The following SRSF7 variants were observed in gnomAD, a reference collection of about 807,000 sequenced individuals.
SRSF7 encodes serine/arginine-rich splicing factor 7.
Under a neutral mutation model 42.2 loss-of-function variants are expected in SRSF7, and 15 were observed. That is an observed-to-expected ratio of 0.36 (90% confidence interval 0.24 to 0.55). The LOEUF is 0.55. SRSF7 is among the 20% of genes least tolerant of loss of function. The probability of loss-of-function intolerance (pLI) is 0.88; values close to 1 mark genes in which losing one functional copy is unlikely to be tolerated. For missense variants in SRSF7, 181 were observed against 305.9 expected (o/e 0.59, Z 3.04); for synonymous variants, 138 against 107.9 (o/e 1.28, Z -1.73).
At position 38,744,026 on chromosome 2, in the gene SRSF7, A is replaced by C; in HGVS notation, c.*1107T>G. The C allele has an allele frequency of 1.3e-5, 2 of 152,158 alleles. No individual in the cohort carries two copies. Among genetic ancestry groups the C allele is most frequent in the Admixed American group, 6.6e-5 (1 of 15,258 alleles). 9.4% of individuals were successfully genotyped at this position (152,158 alleles called of 1,614,324 possible). A position where few individuals can be genotyped will look rare whatever the true frequency, so the allele number is the denominator to read the frequency against. On this transcript the variant is annotated 3_prime_UTR_variant, in exon 8 of 8. Coordinates refer to ENST00000313117, the MANE Select transcript of SRSF7 (RefSeq NM_001031684.3). ...AATTTGAATAAAGAACCTACTGGCT[A>C]TGTAACATTCTAAGGTCTACCAGAT...
intron 4 of SRSF7, 73 bp downstream of exon 4, chr2:38,748,506 G>T: frequency 1.3e-6 from 2 of 1,497,738 alleles, no homozygotes; most frequent in Non-Finnish European, 1.9e-6. Context: ...AAAAAATAAT[G>T]AGCTTTTTCT....
intron 1 of SRSF7, chr2:38,750,948 A>C: frequency 5.3e-6 from 2 of 380,022 alleles, no homozygotes; most frequent in Admixed American, 3.8e-5. Flanking sequence ...GCCGGCGGGC[A>C]GCTCCGAGAA....
chr2:38,746,291 A>C, intron 6 of SRSF7, 112 bp from the exon 7 acceptor site: 1 of 1,217,120 alleles, frequency 8.2e-7, no homozygotes, highest in Non-Finnish European at 1.2e-6. Flanking sequence ...GTCAGACTGC[A>C]CTTAAACTGA....
At chr2:38,747,982 T>G (rs999732393) in intron 5 of SRSF7, 65 bp downstream of exon 5, 7 of 1,209,448 alleles carry the variant, frequency 5.8e-6, no homozygotes, top group Non-Finnish European at 8.4e-6. Flanking sequence ...ATTATGTCCT[T>G]AAGACACTCT....
intron 1 of SRSF7, among the ~76,000 whole-genome samples, chr2:38,750,558 G>GA (rs1481456059): frequency 1.3e-5 from 2 of 151,754 alleles, no homozygotes; most frequent in African/African-American, 2.4e-5. Context: ...TCGGCGGCGG[G>GA]AGGGCCTCGG....
chr2:38,749,744 T>C (rs781096730), intron 2 of SRSF7, 39 bp from the exon 3 acceptor site: 2 of 1,496,754 alleles, frequency 1.3e-6, no homozygotes, highest in South Asian at 1.4e-5. Context: ...AAGTTAAAAA[T>C]ATATTCAGGA....
At chr2:38,749,938 T>C (rs1668031135) in intron 2 of SRSF7, 76 bp downstream of exon 2, 1 of 1,479,740 alleles carries the variant, frequency 6.8e-7, no homozygotes, top group African/African-American at 1.4e-5. Flanking sequence ...GACTTCAGAA[T>C]CCAAATTTAG....
intron 2 of SRSF7, 26 bp downstream of exon 2, chr2:38,749,988 C>G (rs765444092): frequency 2.5e-6 from 4 of 1,585,786 alleles, no homozygotes; most frequent in Admixed American, 3.7e-5. Context: ...TTTTAATGAA[C>G]AGAAGATTCA....
chr2:38,749,809 T>TC (rs1228952589), intron 2 of SRSF7, 104 bp from the exon 3 acceptor site: 138 of 1,330,652 alleles, frequency 1.0e-4, no homozygotes, highest in Middle Eastern at 8.0e-4. Context: ...AACCACTCCT[T>TC]CCCCCCCAAC....
chr2:38,744,116 T>TAG lies in SRSF7; in HGVS notation c.*1015_*1016dup. ...ATAGCTGAGATTTACAAAACCACTT[T>TAG]AGTCTCATTGACATTTCTGATTGAC... On this transcript the variant is annotated 3_prime_UTR_variant, in exon 8 of 8. Transcript: ENST00000313117. 2.0e-5 allele frequency: 3 copies of TAG among 152,608 alleles called. No individual in the cohort carries two copies. Among genetic ancestry groups the TAG allele is most frequent in the African/African-American group, 7.2e-5 (3 of 41,470 alleles). 9.5% of individuals were successfully genotyped at this position (152,608 alleles called of 1,614,324 possible). A position where few individuals can be genotyped will look rare whatever the true frequency, so the allele number is the denominator to read the frequency against.
At position 38,750,004 on chromosome 2, in the gene SRSF7, TCTTA is replaced by T. The variant is rs375991571; in HGVS notation, c.209+6_209+9del. 543 of 1,600,738 alleles carry T rather than the reference TCTTA, an allele frequency of 3.4e-4. 1 individual carries two copies. Among genetic ancestry groups the T allele is most frequent in the African/African-American group, 9.7e-4 (72 of 74,292 alleles). Reference sequence around the variant, plus strand: ...TTTAATGAACAGAAGATTCATAACATCTTACTTACTTTCCATCCAGTCCTCGTAC... The same window carrying T: ...TTTAATGAACAGAAGATTCATAACATCTTACTTTCCATCCAGTCCTCGTAC... On this transcript the variant is annotated splice_donor_region_variant and intron_variant, in intron 2 of 7. Transcript: ENST00000313117.
At chr2:38,745,306 C>A in intron 7 of SRSF7, 119 bp from the exon 8 acceptor site, 2 of 994,972 alleles carry the variant, frequency 2.0e-6, no homozygotes, top group Non-Finnish European at 3.1e-6. Flanking sequence ...ATAGCAAAGA[C>A]CTAAAAATGA....
At chr2:38,746,287 C>A (rs1332315132) in intron 6 of SRSF7, 108 bp from the exon 7 acceptor site, 12 of 1,267,920 alleles carry the variant, frequency 9.5e-6, no homozygotes, top group South Asian at 8.8e-5. Flanking sequence ...AAATGTCAGA[C>A]TGCACTTAAA....
chr2:38,745,034 G>C lies in SRSF7; in HGVS notation c.*99C>G. 1 of 1,213,284 alleles carries C rather than the reference G, an allele frequency of 8.2e-7. No homozygotes were observed. The allele number at this position is 1,213,284 out of a possible 1,614,324, so 75.2% of individuals were successfully genotyped here. A position where few individuals can be genotyped will look rare whatever the true frequency, so the allele number is the denominator to read the frequency against. On this transcript the variant is annotated 3_prime_UTR_variant, in exon 8 of 8. Coordinates refer to ENST00000313117, the MANE Select transcript of SRSF7 (RefSeq NM_001031684.3). ...AATCCAGATCCATTTTGATTAGATG[G>C]TTGAATTATCTTTCCTAGGTTACAC...
intron 3 of SRSF7, chr2:38,749,263 T>C (rs776632889): frequency 1.6e-4 from 229 of 1,412,520 alleles, no homozygotes; most frequent in Non-Finnish European, 2.0e-4. Flanking sequence ...AGGATCTTAA[T>C]TGTCGGATTT....
intron 1 of SRSF7, 113 bp from the exon 2 acceptor site, chr2:38,750,307 T>C (rs1668095204): frequency 6.5e-6 from 6 of 925,244 alleles, no homozygotes; most frequent in East Asian, 2.5e-5. Context: ...GCACATTTAA[T>C]GCCCTCTATC....
chr2:38,751,159 G>T, intron 1 of SRSF7, 70 bp downstream of exon 1: 2 of 1,599,024 alleles, frequency 1.3e-6, no homozygotes, highest in Non-Finnish European at 1.7e-6. Context: ...CAACCTCCGC[G>T]ACAACCCTAC....
intron 6 of SRSF7, 42 bp downstream of exon 6, chr2:38,746,652 G>C (rs1667458643): frequency 6.2e-7 from 1 of 1,606,968 alleles, no homozygotes; most frequent in Admixed American, 1.7e-5. Flanking sequence ...TTGGATATTG[G>C]TGCCATATAA....
chr2:38,751,127 C>A (rs1668287352), intron 1 of SRSF7, 102 bp downstream of exon 1: 1 of 1,509,088 alleles, frequency 6.6e-7, no homozygotes, highest in African/African-American at 1.4e-5. Flanking sequence ...GCCGCCATTA[C>A]GCACGCGGAA....
Sources: gnomAD v4.1 joint callset for allele counts (sites outside exome capture counted in the v4.1 genomes callset) on GRCh38, gnomAD v4.1.1 for gene constraint, MANE v1.5 for transcripts, NCBI Gene and HGNC (gene_info 2026-07-23, HGNC 2026-07-21) for gene names.